The following BCL2L13 variants were observed in gnomAD, a reference collection of about 807,000 sequenced individuals.
BCL2L13 encodes the protein BCL2 like 13.
Under a neutral mutation model 25.8 loss-of-function variants are expected in BCL2L13, and 13 were observed. The ratio of observed to expected loss-of-function variants is 0.50; its 90% CI spans 0.33 to 0.80. The LOEUF (loss-of-function observed/expected upper bound fraction) is 0.80. Ranked by LOEUF, BCL2L13 falls within the 30% of genes least tolerant of loss-of-function variation. BCL2L13 has a pLI of 0.02. For missense variants in BCL2L13, 504 were observed against 574.9 expected (o/e 0.88, Z 1.26); for synonymous variants, 244 against 230.3 (o/e 1.06, Z -0.54).
chr22:17,715,701 A>T (rs922446148), intron 6 of BCL2L13, among the ~76,000 whole-genome samples: 2 of 152,196 alleles, frequency 1.3e-5, no homozygotes, highest in African/African-American at 2.4e-5. Flanking sequence ...CTATGAGTTT[A>T]GAAGTAACAA....
intron 3 of BCL2L13, among the ~76,000 whole-genome samples, chr22:17,685,139 G>T (rs1244287567): frequency 6.6e-6 from 1 of 152,144 alleles, no homozygotes; most frequent in Non-Finnish European, 1.5e-5. Context: ...CTCCCAAAGT[G>T]CTGGGATTAA....
At chr22:17,706,174 A>G (rs2060584640) in intron 6 of BCL2L13, among the ~76,000 whole-genome samples, 1 of 151,876 alleles carries the variant, frequency 6.6e-6, no homozygotes. Context: ...ATGCACTACC[A>G]CACTTGGCTT....
At chr22:17,726,583 A>G in intron 6 of BCL2L13, 94 bp from the exon 7 acceptor site, 1 of 1,382,064 alleles carries the variant, frequency 7.2e-7, no homozygotes, top group South Asian at 1.4e-5. Context: ...CATTCCTAGA[A>G]CTTCAGTTTA....
intron 1 of BCL2L13, among the ~76,000 whole-genome samples, chr22:17,650,956 G>T (rs1289375334): frequency 6.6e-6 from 1 of 150,410 alleles, no homozygotes; most frequent in East Asian, 2.0e-4. Context: ...TGGGATTACA[G>T]GTGTGAGCCA....
intron 1 of BCL2L13, chr22:17,629,023 C>T: frequency 4.4e-6 from 1 of 226,552 alleles, no homozygotes; most frequent in East Asian, 9.5e-5. Flanking sequence ...GGAGAATGTG[C>T]CTTTATTGGA....
At chr22:17,675,345 T>G (rs948623223) in intron 2 of BCL2L13, among the ~76,000 whole-genome samples, 2 of 152,116 alleles carry the variant, frequency 1.3e-5, no homozygotes, top group Non-Finnish European at 2.9e-5. Flanking sequence ...GGTCTACAAT[T>G]CAAACCTTGT....
chr22:17,648,848 TG>T (rs1351798590), intron 1 of BCL2L13, among the ~76,000 whole-genome samples: 1 of 152,226 alleles, frequency 6.6e-6, no homozygotes, highest in Non-Finnish European at 1.5e-5. Context: ...AGTTTGTCTC[TG>T]GCTTTTGGGT....
chr22:17,664,973 G>C (rs1601575453), intron 2 of BCL2L13, among the ~76,000 whole-genome samples: 1 of 152,342 alleles, frequency 6.6e-6, no homozygotes, highest in Non-Finnish European at 1.5e-5. Context: ...ATGCTTTGGA[G>C]ACATTTTCTC....
rs1466209902 is a variant in BCL2L13, at chr22:17,727,414, C to T, written c.1338C>T (p.Ala446=). ...AGGGCAAGTCTAGACTGTCCCCCGC[C>T]GGTGAGATGAAGCCCATGCCGCTGT... The part of the protein sequence containing the change: ...PSEGKSRLSP[A]GEMKPMPLSE... The change falls in exon 7 of 7, where the codon GCC becomes GCT. Residue 446 remains alanine (A), a synonymous_variant. Transcript: ENST00000317582. 1.2e-5 allele frequency: 20 copies of T among 1,614,210 alleles called. No homozygotes were observed. The highest frequency in any genetic ancestry group is 3.3e-5 in the South Asian group (3 of 91,088).
chr22:17,653,542 C>G (rs899173842), intron 1 of BCL2L13, among the ~76,000 whole-genome samples: 30 of 142,400 alleles, frequency 2.1e-4, no homozygotes, highest in African/African-American at 7.1e-4. Flanking sequence ...CTTTGTCACT[C>G]AGGCTGCAGT....
In BCL2L13 at chr22:17,702,487, C is replaced by G. The variant is rs2060467831; in HGVS notation, c.600+101C>G. The G allele has an allele frequency of 3.4e-6, 4 of 1,170,018 alleles. No homozygotes were observed. In the East Asian group the frequency reaches 1.2e-4, roughly 34 times the overall value. 72.5% of individuals were successfully genotyped at this position (1,170,018 alleles called of 1,614,324 possible). A position where few individuals can be genotyped will look rare whatever the true frequency, so the allele number is the denominator to read the frequency against. On this transcript the variant is annotated intron_variant, in intron 6 of 6. Coordinates refer to ENST00000317582, the MANE Select transcript of BCL2L13 (RefSeq NM_015367.4). ...TTGCTGTGTTACCCGGGCTGGAGTG[C>G]AGTGTCTAATTGCTGGCACTATCAT...
chr22:17,638,806 T>A lies in BCL2L13; in HGVS notation c.-131T>A. On this transcript the variant is annotated 5_prime_UTR_variant, in exon 1 of 7. Transcript: ENST00000317582. ...AGATTAGGGCCGCGGGTCGGAGCAC[T>A]CACCGCCGCTGGGGGACCCTGTCGG... 2.4e-6 allele frequency: 3 copies of A among 1,231,922 alleles called. No individual in the cohort carries two copies. Among genetic ancestry groups the A allele is most frequent in the Non-Finnish European group, 2.0e-6 (2 of 988,158 alleles). 76.3% of individuals were successfully genotyped at this position (1,231,922 alleles called of 1,614,324 possible). A position where few individuals can be genotyped will look rare whatever the true frequency, so the allele number is the denominator to read the frequency against.
At position 17,728,763 on chromosome 22, in the gene BCL2L13, T is replaced by G. The variant is rs1454124538; in HGVS notation, c.*1229T>G. 1 of 152,284 alleles carries G rather than the reference T, an allele frequency of 6.6e-6. No individual in the cohort carries two copies. The highest frequency in any genetic ancestry group is 2.4e-5 in the African/African-American group (1 of 41,478). The allele number at this position is 152,284 out of a possible 1,614,324, so 9.4% of individuals were successfully genotyped here. ...TGAGGCTGCTCTGCAGATTCTAGTT[T>G]GGCTTTCAGAGTTCAAGAGTGGTGG... On this transcript the variant is annotated 3_prime_UTR_variant, in exon 7 of 7. Transcript: ENST00000317582.
chr22:17,719,753 C>CGGGAGGCGGAGGTTGCA (rs1316042510), intron 6 of BCL2L13, among the ~76,000 whole-genome samples: 2 of 143,150 alleles, frequency 1.4e-5, no homozygotes, highest in African/African-American at 2.6e-5. Context: ...CGCTGGAATC[C>CGGGAGGCGGAGGTTGCA]GGGAGGCGGA....
chr22:17,714,376 C>T (rs1411976253), intron 6 of BCL2L13, among the ~76,000 whole-genome samples: 5 of 151,874 alleles, frequency 3.3e-5, no homozygotes, highest in Non-Finnish European at 5.9e-5. Flanking sequence ...CGCTTGAACT[C>T]GGGAGGCGGA....
intron 2 of BCL2L13, among the ~76,000 whole-genome samples, chr22:17,677,962 C>T (rs567160221): frequency 6.6e-6 from 1 of 152,250 alleles, no homozygotes; most frequent in East Asian, 1.9e-4. Context: ...GGGAAGATCG[C>T]TTGAGCCTAA....
At chr22:17,692,566 T>A (rs1250717419) in intron 4 of BCL2L13, among the ~76,000 whole-genome samples, 1 of 152,230 alleles carries the variant, frequency 6.6e-6, no homozygotes, top group Admixed American at 6.5e-5. Context: ...ATCTGAAAAG[T>A]ACTAGGCTCA....
intron 2 of BCL2L13, among the ~76,000 whole-genome samples, chr22:17,657,099 G>A (rs984680845): frequency 6.6e-6 from 1 of 152,200 alleles, no homozygotes; most frequent in East Asian, 1.9e-4. Context: ...GATTACAGGC[G>A]TGAGCCCCAG....
Position 17,638,839 on chromosome 22 carries a change from T to G in BCL2L13, c.-98T>G, listed in dbSNP as rs2058161259. The G allele has an allele frequency of 8.1e-7, 1 of 1,232,114 alleles. No homozygotes were observed. Among genetic ancestry groups the G allele is most frequent in the African/African-American group, 1.5e-5 (1 of 64,542 alleles). 76.3% of individuals were successfully genotyped at this position (1,232,114 alleles called of 1,614,324 possible). A position where few individuals can be genotyped will look rare whatever the true frequency, so the allele number is the denominator to read the frequency against. Reference sequence around the variant, plus strand: ...GCTGGGGGACCCTGTCGGAAGCAACTGCCGCCGCCGCCTCTTTCATCTCTT... The same window carrying G: ...GCTGGGGGACCCTGTCGGAAGCAACGGCCGCCGCCGCCTCTTTCATCTCTT... On this transcript the variant is annotated 5_prime_UTR_variant, in exon 1 of 7. Coordinates refer to ENST00000317582, the MANE Select transcript of BCL2L13 (RefSeq NM_015367.4).
Sources: allele counts gnomAD v4.1 joint callset (sites outside exome capture counted in the v4.1 genomes callset), GRCh38; gene constraint gnomAD v4.1.1; transcripts MANE v1.5; gene names NCBI Gene and HGNC (gene_info 2026-07-23, HGNC 2026-07-21).